The following EEFSEC variants were observed in gnomAD, a reference collection of about 807,000 sequenced individuals.
EEFSEC encodes eukaryotic elongation factor, selenocysteine-tRNA specific, also known as selenocysteine-specific elongation factor.
EEFSEC carries 43 observed loss-of-function variants against 42.1 expected under a neutral mutation model. The ratio of observed to expected loss-of-function variants is 1.02; its 90% CI spans 0.80 to 1.32. The LOEUF (loss-of-function observed/expected upper bound fraction) is 1.32. Among genes scored for constraint, EEFSEC ranks in the 40% most tolerant of loss-of-function variants. The pLI is 0.00. For synonymous variants in EEFSEC, 354 were observed against 339.1 expected (o/e 1.04, Z -0.48); for missense variants, 745 against 803.6 (o/e 0.93, Z 0.88).
intron 1 of EEFSEC, among the ~76,000 whole-genome samples, chr3:128,238,723 C>G (rs1559881897): frequency 1.3e-5 from 2 of 152,198 alleles, no homozygotes; most frequent in African/African-American, 4.8e-5. Flanking sequence ...GTCCTGAGCT[C>G]AGGCAATCTG....
At chr3:128,376,224 A>G (rs1394692443) in intron 6 of EEFSEC, among the ~76,000 whole-genome samples, 2 of 152,106 alleles carry the variant, frequency 1.3e-5, no homozygotes, top group Non-Finnish European at 2.9e-5. Context: ...CTTGGCACCA[A>G]GGATGCACCC....
At chr3:128,413,289 C>T (rs117286145), downstream of EEFSEC, among the ~76,000 whole-genome samples, 143 of 152,196 alleles carry the variant, frequency 9.4e-4, 3 homozygotes, top group East Asian at 0.025. Flanking sequence ...GTTGAGTGCT[C>T]GAATATTTAT....
At chr3:128,242,308 C>T (rs559330818) in intron 1 of EEFSEC, among the ~76,000 whole-genome samples, 17 of 152,150 alleles carry the variant, frequency 1.1e-4, no homozygotes, top group African/African-American at 3.4e-4. Context: ...AACAGTAAGA[C>T]CCTGCCTCTA....
At position 128,229,910 on chromosome 3, in the gene EEFSEC, C is replaced by G. The variant is rs566344561; in HGVS notation, c.317-16926C>G. On this transcript the variant is annotated intron_variant, in intron 1 of 6. Coordinates refer to ENST00000254730, the MANE Select transcript of EEFSEC (RefSeq NM_021937.5). Reference sequence around the variant, plus strand: ...TCTCACACCTTGACTTATGCCTAGCCCATGTTGCTCATGTGAGGTGCCCAC... The same window carrying G: ...TCTCACACCTTGACTTATGCCTAGCGCATGTTGCTCATGTGAGGTGCCCAC... 4.1e-3 allele frequency among the ~76,000 whole-genome samples: 621 copies of G among 152,294 alleles called. 3 individuals are homozygous for G. Among genetic ancestry groups the G allele is most frequent in the African/African-American group, 0.014 (588 of 41,546 alleles).
intron 1 of EEFSEC, among the ~76,000 whole-genome samples, chr3:128,173,540 A>G (rs2065319773): frequency 6.6e-6 from 1 of 152,162 alleles, no homozygotes; most frequent in South Asian, 2.1e-4. Context: ...TTCCAGTGCT[A>G]TCTGTAAAAT....
chr3:128,353,515 T>C (rs1456350263), intron 5 of EEFSEC, among the ~76,000 whole-genome samples: 3 of 152,230 alleles, frequency 2.0e-5, no homozygotes, highest in African/African-American at 7.2e-5. Context: ...ACTTGGGGAT[T>C]GTCTTCTGCA....
chr3:128,327,306 G>T, intron 4 of EEFSEC, among the ~76,000 whole-genome samples: 1 of 85,712 alleles, frequency 1.2e-5, no homozygotes, highest in South Asian at 3.8e-4. Context: ...CCCCCCCCAA[G>T]GTTGTCCCCC....
chr3:128,303,780 A>C (rs941004322), intron 4 of EEFSEC, among the ~76,000 whole-genome samples: 2 of 152,150 alleles, frequency 1.3e-5, no homozygotes, highest in African/African-American at 4.8e-5. Flanking sequence ...CAAGATTATA[A>C]ATTCACCCAT....
intron 4 of EEFSEC, among the ~76,000 whole-genome samples, chr3:128,279,939 G>A (rs960427668): frequency 1.3e-5 from 2 of 152,200 alleles, no homozygotes; most frequent in Non-Finnish European, 2.9e-5. Flanking sequence ...GGTGGGTCTG[G>A]TTCTCTAAAC....
chr3:128,211,688 G>A (rs2065757495), intron 1 of EEFSEC, among the ~76,000 whole-genome samples: 1 of 150,632 alleles, frequency 6.6e-6, no homozygotes, highest in South Asian at 2.1e-4. Context: ...GCTAATTTTT[G>A]TATTTTTTGT....
At chr3:128,311,601 G>A (rs1253062793) in intron 4 of EEFSEC, among the ~76,000 whole-genome samples, 2 of 152,224 alleles carry the variant, frequency 1.3e-5, no homozygotes, top group African/African-American at 2.4e-5. Context: ...AGCTAGTTTG[G>A]TTCCCTGTCC....
At chr3:128,333,342 G>A (rs182692709) in intron 4 of EEFSEC, among the ~76,000 whole-genome samples, 37 of 152,366 alleles carry the variant, frequency 2.4e-4, no homozygotes, top group Admixed American at 1.6e-3. Context: ...TTGTGATGGT[G>A]TGGGCTGTCC....
intron 6 of EEFSEC, among the ~76,000 whole-genome samples, chr3:128,379,368 G>A (rs138120692): frequency 1.2e-4 from 19 of 152,344 alleles, no homozygotes; most frequent in Non-Finnish European, 2.4e-4. Flanking sequence ...TGTTACAACA[G>A]TGTTTATACC....
chr3:128,215,647 C>T (rs1222796282), intron 1 of EEFSEC, among the ~76,000 whole-genome samples: 4 of 152,092 alleles, frequency 2.6e-5, no homozygotes, highest in Non-Finnish European at 4.4e-5. Context: ...GACAAAAATC[C>T]ACCCCAAACT....
At chr3:128,267,640 C>T (rs1313244175) in intron 4 of EEFSEC, among the ~76,000 whole-genome samples, 1 of 152,158 alleles carries the variant, frequency 6.6e-6, no homozygotes, top group Non-Finnish European at 1.5e-5. Context: ...CGGAGGTTCT[C>T]AGTCCCTCTA....
intron 4 of EEFSEC, among the ~76,000 whole-genome samples, chr3:128,309,942 A>G (rs1329503448): frequency 6.6e-6 from 1 of 152,242 alleles, no homozygotes; most frequent in African/African-American, 2.4e-5. Context: ...TTTTCCTAGC[A>G]TTAACATCCA....
chr3:128,384,406 T>G (rs2067813167), intron 6 of EEFSEC, among the ~76,000 whole-genome samples: 1 of 152,188 alleles, frequency 6.6e-6, no homozygotes, highest in South Asian at 2.1e-4. Context: ...GGGGTCCAGC[T>G]GCCAGAATGG....
chr3:128,410,804 G>A (rs995694896), downstream of EEFSEC, among the ~76,000 whole-genome samples: 4 of 152,148 alleles, frequency 2.6e-5, no homozygotes, highest in South Asian at 2.1e-4. Flanking sequence ...CAAATAAGCC[G>A]TTTTTCCAGG....
chr3:128,227,313 C>G (rs1213294581), intron 1 of EEFSEC, among the ~76,000 whole-genome samples: 1 of 152,040 alleles, frequency 6.6e-6, no homozygotes, highest in African/African-American at 2.4e-5. Flanking sequence ...CTCCCCCTAC[C>G]CCCCCACTCC....
Sources: allele counts gnomAD v4.1 joint callset (sites outside exome capture counted in the v4.1 genomes callset), GRCh38; gene constraint gnomAD v4.1.1; transcripts MANE v1.5; gene names NCBI Gene and HGNC (gene_info 2026-07-23, HGNC 2026-07-21).